CTNNBL1: variants seen among roughly 807,000 people sequenced by gnomAD.
The protein encoded by CTNNBL1 is catenin beta like 1.
CTNNBL1 carries 31 observed loss-of-function variants against 72.7 expected under a neutral mutation model. That is an observed-to-expected ratio of 0.43 (90% CI 0.32 to 0.58). The LOEUF is 0.58. Ranked by LOEUF, CTNNBL1 falls within the 20% of genes least tolerant of loss-of-function variation. The pLI is 0.08. For synonymous variants in CTNNBL1, 240 were observed against 267.3 expected, an observed-to-expected ratio of 0.90 and a Z score of 1.00; for missense variants, 534 against 725.1, an observed-to-expected ratio of 0.74 and a Z score of 3.03.
intron 7 of CTNNBL1, among the ~76,000 whole-genome samples, chr20:37,772,621 T>G (rs1249858531): frequency 6.6e-6 from 1 of 152,218 alleles, no homozygotes; most frequent in African/African-American, 2.4e-5. Context: ...GTGCTGGGAT[T>G]ACAGGTGTAA....
intron 7 of CTNNBL1, among the ~76,000 whole-genome samples, chr20:37,773,909 C>CTTTTTTTTTTTTTTTTTTT (rs1176688817): frequency 4.8e-5 from 5 of 104,644 alleles, no homozygotes; most frequent in East Asian, 5.1e-4. Context: ...TTCTTTCTCT[C>CTTTTTTTTTTTTTTTTTTT]TTTTTTTTTT....
chr20:37,779,819 G>A (rs983308379), intron 10 of CTNNBL1, among the ~76,000 whole-genome samples: 2 of 152,090 alleles, frequency 1.3e-5, no homozygotes, highest in Admixed American at 6.6e-5. Context: ...ATGAAAACGT[G>A]CAAGACAGTT....
chr20:37,700,080 C>T (rs898582070), intron 1 of CTNNBL1, among the ~76,000 whole-genome samples: 3 of 152,126 alleles, frequency 2.0e-5, no homozygotes, highest in African/African-American at 7.2e-5. Context: ...GGGATAAAAA[C>T]GCTTCATGTG....
intron 11 of CTNNBL1, among the ~76,000 whole-genome samples, chr20:37,825,713 T>C (rs898631413): frequency 6.6e-6 from 1 of 152,180 alleles, no homozygotes; most frequent in Non-Finnish European, 1.5e-5. Context: ...ATTAGGCAAC[T>C]GGCAGTCTCA....
chr20:37,844,668 A>T (rs1193166769), intron 13 of CTNNBL1, among the ~76,000 whole-genome samples: 3 of 152,180 alleles, frequency 2.0e-5, no homozygotes, highest in Non-Finnish European at 2.9e-5. Context: ...TTGGGAGGCC[A>T]GACATCCCTA....
chr20:37,860,427 T>A (rs1405427694), intron 15 of CTNNBL1, 83 bp downstream of exon 15: 1 of 1,132,952 alleles, frequency 8.8e-7, no homozygotes, highest in Non-Finnish European at 1.3e-6. Context: ...ATCCCTGGTA[T>A]TTGATGTGGA....
chr20:37,741,575 A>G (rs1457223910), intron 3 of CTNNBL1, among the ~76,000 whole-genome samples: 1 of 152,208 alleles, frequency 6.6e-6, no homozygotes, highest in Non-Finnish European at 1.5e-5. Context: ...AATGGTTTGT[A>G]ATAGATTATT....
chr20:37,849,805 C>T (rs963553427), intron 13 of CTNNBL1, among the ~76,000 whole-genome samples: 12 of 152,312 alleles, frequency 7.9e-5, no homozygotes, highest in Non-Finnish European at 1.3e-4. Flanking sequence ...GCTCTGACTC[C>T]TACCAGCTGG....
At chr20:37,741,813 A>G (rs1032405845) in intron 3 of CTNNBL1, among the ~76,000 whole-genome samples, 5 of 152,132 alleles carry the variant, frequency 3.3e-5, no homozygotes, top group African/African-American at 1.2e-4. Context: ...GACCCAGTAT[A>G]TTTTTGTAAT....
At chr20:37,865,625 C>T (rs2072530965) in intron 15 of CTNNBL1, among the ~76,000 whole-genome samples, 1 of 152,194 alleles carries the variant, frequency 6.6e-6, no homozygotes, top group African/African-American at 2.4e-5. Flanking sequence ...ATCACCTTGG[C>T]TGTGGCGTAG....
At chr20:37,702,507 A>G (rs1201653678) in intron 1 of CTNNBL1, among the ~76,000 whole-genome samples, 2 of 152,176 alleles carry the variant, frequency 1.3e-5, no homozygotes, top group Non-Finnish European at 2.9e-5. Context: ...TCATGAAGTC[A>G]TTTTATATAG....
chr20:37,783,518 A>C (rs1448190144), intron 10 of CTNNBL1, among the ~76,000 whole-genome samples: 3 of 152,014 alleles, frequency 2.0e-5, no homozygotes, highest in African/African-American at 7.2e-5. Context: ...CTTTCCTCTT[A>C]ATACTGCTTT....
chr20:37,789,828 T>G (rs757804136), intron 10 of CTNNBL1, among the ~76,000 whole-genome samples: 1 of 152,234 alleles, frequency 6.6e-6, no homozygotes, highest in Non-Finnish European at 1.5e-5. Flanking sequence ...TATTGTCAGT[T>G]TCCTTGAAAA....
intron 13 of CTNNBL1, among the ~76,000 whole-genome samples, chr20:37,842,996 T>G (rs2072317745): frequency 6.6e-6 from 1 of 152,254 alleles, no homozygotes; most frequent in African/African-American, 2.4e-5. Flanking sequence ...ACCTGCTGGA[T>G]GTTTTTTCTG....
intron 1 of CTNNBL1, among the ~76,000 whole-genome samples, chr20:37,695,700 A>G (rs190481767): frequency 2.6e-5 from 4 of 152,324 alleles, no homozygotes; most frequent in Admixed American, 2.6e-4. Context: ...GGCTGCTGTA[A>G]CCTTGAACAA....
At chr20:37,808,938 A>C (rs1268355821) in intron 11 of CTNNBL1, among the ~76,000 whole-genome samples, 2 of 151,796 alleles carry the variant, frequency 1.3e-5, no homozygotes, top group Non-Finnish European at 2.9e-5. Context: ...CTTAACTCTA[A>C]TATTCCCCAC....
intron 13 of CTNNBL1, among the ~76,000 whole-genome samples, chr20:37,845,370 A>G (rs961671065): frequency 1.5e-4 from 23 of 152,328 alleles, no homozygotes; most frequent in African/African-American, 5.3e-4. Context: ...GACGGAGAGT[A>G]ATCGCTGCAG....
At chr20:37,840,901 T>A (rs926129638) in intron 12 of CTNNBL1, among the ~76,000 whole-genome samples, 144 of 118,858 alleles carry the variant, frequency 1.2e-3, no homozygotes, top group South Asian at 2.7e-3. Context: ...GATTAGATGG[T>A]TCGGGCTATG....
chr20:37,727,227 C>A, intron 1 of CTNNBL1: 1 of 346,412 alleles, frequency 2.9e-6, no homozygotes, highest in Non-Finnish European at 4.1e-6. Flanking sequence ...CAGGGAGTAT[C>A]CTAGGCAGAT....
Sources: allele counts gnomAD v4.1 joint callset (sites outside exome capture counted in the v4.1 genomes callset), GRCh38; gene constraint gnomAD v4.1.1; transcripts MANE v1.5; gene names NCBI Gene and HGNC (gene_info 2026-07-23, HGNC 2026-07-21).